Variants in PTPRG observed in about 807,000 individuals in gnomAD.
PTPRG encodes receptor-type tyrosine-protein phosphatase gamma.
PTPRG carries 102 observed loss-of-function variants against 165.3 expected under a neutral mutation model. That is an observed-to-expected ratio of 0.62 (90% CI 0.53 to 0.73). PTPRG has a LOEUF of 0.73. PTPRG is among the 30% of genes least tolerant of loss of function. PTPRG has a pLI of 0.00. For missense variants in PTPRG, 1,866 were observed against 1,861.4 expected (o/e 1.00, Z -0.05); for synonymous variants, 675 against 669.5 (o/e 1.01, Z -0.13).
At chr3:61,721,089 G>A (rs908381215) in intron 1 of PTPRG, among the ~76,000 whole-genome samples, 3 of 152,100 alleles carry the variant, frequency 2.0e-5, no homozygotes, top group African/African-American at 7.2e-5. Context: ...ATTTAACCAA[G>A]CATAATAAAT....
intron 2 of PTPRG, among the ~76,000 whole-genome samples, chr3:61,772,058 T>TAAAAA (rs71100977): frequency 1.0e-3 from 67 of 64,764 alleles, no homozygotes; most frequent in East Asian, 2.1e-3. Context: ...AGACTCTGTC[T>TAAAAA]AAAAAAAAAA....
intron 1 of PTPRG, among the ~76,000 whole-genome samples, chr3:61,664,513 T>C (rs912846317): frequency 6.6e-6 from 1 of 152,252 alleles, no homozygotes; most frequent in African/African-American, 2.4e-5. Context: ...TAAATAATTA[T>C]GAGCATTACT....
chr3:61,623,387 A>G (rs1334404555), intron 1 of PTPRG, among the ~76,000 whole-genome samples: 2 of 152,198 alleles, frequency 1.3e-5, no homozygotes, highest in African/African-American at 4.8e-5. Context: ...GGACTAGAAC[A>G]CAGAGAAATC....
chr3:62,124,106 C>T, intron 5 of PTPRG: 2 of 553,898 alleles, frequency 3.6e-6, no homozygotes, highest in African/African-American at 1.9e-5. Context: ...AACTTGTCCT[C>T]CTTGTGAAAT....
intron 2 of PTPRG, among the ~76,000 whole-genome samples, chr3:61,969,468 G>A (rs970909551): frequency 2.6e-4 from 39 of 152,100 alleles, no homozygotes; most frequent in African/African-American, 8.7e-4. Flanking sequence ...CAGTAGTCCC[G>A]TACAGAATTG....
intron 6 of PTPRG, among the ~76,000 whole-genome samples, chr3:62,133,360 C>A (rs1363094988): frequency 6.6e-6 from 1 of 152,226 alleles, no homozygotes; most frequent in East Asian, 1.9e-4. Flanking sequence ...TTTTAATAAT[C>A]TAATTAGAAT....
chr3:61,787,456 G>A (rs754089474), intron 2 of PTPRG, among the ~76,000 whole-genome samples: 3 of 152,132 alleles, frequency 2.0e-5, no homozygotes, highest in Admixed American at 2.0e-4. Context: ...TAGTGGATGG[G>A]TTATCTCATT....
chr3:61,887,089 C>T (rs1016413258), intron 2 of PTPRG, among the ~76,000 whole-genome samples: 5 of 122,224 alleles, frequency 4.1e-5, no homozygotes, highest in East Asian at 4.9e-4. Flanking sequence ...AGCATTATCT[C>T]GGAAAACTAT....
intron 2 of PTPRG, among the ~76,000 whole-genome samples, chr3:61,886,995 A>G (rs2038054749): frequency 6.6e-6 from 1 of 151,252 alleles, no homozygotes; most frequent in Admixed American, 6.6e-5. Flanking sequence ...CAAACCAGTG[A>G]AGCATCTTGT....
At chr3:61,683,584 T>C (rs926674021) in intron 1 of PTPRG, among the ~76,000 whole-genome samples, 5 of 152,222 alleles carry the variant, frequency 3.3e-5, no homozygotes, top group African/African-American at 1.2e-4. Flanking sequence ...TCTAAAACCA[T>C]GGTTGCAGTA....
Position 62,097,748 on chromosome 3 carries a change from A to T in PTPRG, c.615+19490A>T, listed in dbSNP as rs973645397. On this transcript the variant is annotated intron_variant, in intron 5 of 29. Transcript: ENST00000474889. ...TTCTTCAGTCCTCTTCTTCTTTTCT[A>T]TTATTTTATAAGGTACACAAAGTAT... Among the ~76,000 whole-genome samples, 5 of 152,246 alleles carry T rather than the reference A, an allele frequency of 3.3e-5. No homozygotes were observed. In the East Asian group the frequency reaches 5.8e-4, roughly 18 times the overall value.
chr3:62,020,005 A>G (rs2041649038), intron 4 of PTPRG, among the ~76,000 whole-genome samples: 1 of 152,164 alleles, frequency 6.6e-6, no homozygotes, highest in Admixed American at 6.5e-5. Flanking sequence ...TCTTCTTGAT[A>G]GAAATAATTT....
intron 2 of PTPRG, among the ~76,000 whole-genome samples, chr3:61,757,766 G>A (rs938297693): frequency 2.0e-5 from 3 of 152,098 alleles, no homozygotes; most frequent in Non-Finnish European, 4.4e-5. Context: ...TCATATCTGC[G>A]ATGAATCAGA....
intron 1 of PTPRG, among the ~76,000 whole-genome samples, chr3:61,680,642 GA>G (rs143753582): frequency 5.2e-4 from 77 of 147,280 alleles, no homozygotes; most frequent in East Asian, 1.4e-3. Flanking sequence ...GATCAAGGGG[GA>G]AAAAAAAAAG....
chr3:61,738,379 G>A (rs535422790), intron 1 of PTPRG, among the ~76,000 whole-genome samples: 31 of 143,960 alleles, frequency 2.2e-4, no homozygotes, highest in African/African-American at 7.7e-4. Context: ...TATTTCACAT[G>A]GAATGTGCAT....
At chr3:61,829,122 A>T (rs1044637809) in intron 2 of PTPRG, among the ~76,000 whole-genome samples, 2 of 152,152 alleles carry the variant, frequency 1.3e-5, no homozygotes, top group African/African-American at 4.8e-5. Context: ...TTGGCATGGG[A>T]TATGAAGGAA....
intron 2 of PTPRG, among the ~76,000 whole-genome samples, chr3:61,793,208 C>T (rs895540736): frequency 6.6e-5 from 10 of 152,166 alleles, no homozygotes; most frequent in East Asian, 1.9e-4. Flanking sequence ...TGTCTGTCAC[C>T]GTGACCAGAA....
intron 1 of PTPRG, among the ~76,000 whole-genome samples, chr3:61,685,251 A>G (rs1012680664): frequency 6.6e-6 from 1 of 152,256 alleles, no homozygotes; most frequent in Non-Finnish European, 1.5e-5. Flanking sequence ...CTGTGCAAAC[A>G]GGCGCACTGA....
At chr3:62,153,761 G>A (rs1439773557) in intron 6 of PTPRG, among the ~76,000 whole-genome samples, 1 of 152,152 alleles carries the variant, frequency 6.6e-6, no homozygotes, top group Non-Finnish European at 1.5e-5. Context: ...CTGCAGCCTA[G>A]GAAGGTTTCG....
Sources: allele counts gnomAD v4.1 joint callset (sites outside exome capture counted in the v4.1 genomes callset), GRCh38; gene constraint gnomAD v4.1.1; transcripts MANE v1.5; gene names NCBI Gene and HGNC (gene_info 2026-07-23, HGNC 2026-07-21).